Variants in SLC4A10 observed in about 807,000 individuals in gnomAD.
SLC4A10 encodes sodium-driven chloride bicarbonate exchanger.
Under a neutral mutation model 137.7 loss-of-function variants are expected in SLC4A10, and 42 were observed. That is an observed-to-expected ratio of 0.30 (90% CI 0.24 to 0.39). The LOEUF is 0.39. Among genes scored for constraint, SLC4A10 ranks in the 10% least tolerant of loss-of-function variants. SLC4A10 has a pLI of 1.00. For synonymous variants in SLC4A10, 474 were observed against 464.1 expected, an observed-to-expected ratio of 1.02 and a Z score of -0.27; for missense variants, 925 against 1,355.0, an observed-to-expected ratio of 0.68 and a Z score of 4.98.
At chr2:161,808,828 A>C (rs1040702702) in intron 3 of SLC4A10, among the ~76,000 whole-genome samples, 1 of 152,030 alleles carries the variant, frequency 6.6e-6, no homozygotes, top group African/African-American at 2.4e-5. Flanking sequence ...AAGGAAACCT[A>C]GTTGATTCCA....
intron 6 of SLC4A10, among the ~76,000 whole-genome samples, chr2:161,867,042 A>G (rs2060802750): frequency 1.3e-5 from 2 of 152,046 alleles, no homozygotes; most frequent in South Asian, 4.1e-4. Context: ...AAAAGGAGTT[A>G]CAGTGCAGAA....
chr2:161,658,798 C>A (rs1352244165), intron 1 of SLC4A10, among the ~76,000 whole-genome samples: 1 of 151,954 alleles, frequency 6.6e-6, no homozygotes, highest in East Asian at 1.9e-4. Flanking sequence ...ACCTTTTTGG[C>A]CAGGCTGGTC....
chr2:161,856,715 A>G (rs2060127525), intron 5 of SLC4A10, among the ~76,000 whole-genome samples: 1 of 152,142 alleles, frequency 6.6e-6, no homozygotes, highest in African/African-American at 2.4e-5. Context: ...TAGGAATGAA[A>G]CAGCAGGCTT....
At chr2:161,927,788 C>A (rs996732624) in intron 15 of SLC4A10, among the ~76,000 whole-genome samples, 1 of 152,160 alleles carries the variant, frequency 6.6e-6, no homozygotes, top group Non-Finnish European at 1.5e-5. Flanking sequence ...CCATCACTGG[C>A]CATCAGAGAA....
chr2:161,817,912 G>A (rs1247460998), intron 3 of SLC4A10, among the ~76,000 whole-genome samples: 20 of 151,658 alleles, frequency 1.3e-4, no homozygotes, highest in African/African-American at 3.9e-4. Flanking sequence ...GTCAGGTAGC[G>A]TGATGCCTCC....
At chr2:161,721,628 C>A (rs1559107490) in intron 1 of SLC4A10, among the ~76,000 whole-genome samples, 2 of 152,106 alleles carry the variant, frequency 1.3e-5, no homozygotes, top group Non-Finnish European at 2.9e-5. Flanking sequence ...TTTTTTCCTT[C>A]ATTTCTACCT....
rs369526504 is a variant in SLC4A10 at position 161,882,348 on chromosome 2, T to G, written c.1107-9T>G. 1 of 1,526,886 alleles carries G rather than the reference T, an allele frequency of 6.5e-7. No homozygotes were observed. Among genetic ancestry groups the G allele is most frequent in the African/African-American group, 1.4e-5 (1 of 72,130 alleles). The allele number at this position is 1,526,886 out of a possible 1,614,324, so 94.6% of individuals were successfully genotyped here. A position where few individuals can be genotyped will look rare whatever the true frequency, so the allele number is the denominator to read the frequency against. On this transcript the variant is annotated splice_polypyrimidine_tract_variant and intron_variant, in intron 9 of 26. Transcript: ENST00000446997. ...TACCTTAAAACATTTTTTTTCTTCT[T>G]AATTACAGATTTTTGTTCATTCTTC...
chr2:161,714,622 C>T (rs969779787), intron 1 of SLC4A10, among the ~76,000 whole-genome samples: 2 of 151,848 alleles, frequency 1.3e-5, no homozygotes, highest in Non-Finnish European at 2.9e-5. Context: ...AATTTAATCT[C>T]ATAAGAATTT....
intron 4 of SLC4A10, among the ~76,000 whole-genome samples, chr2:161,848,777 A>T (rs991353092): frequency 6.6e-6 from 1 of 152,150 alleles, no homozygotes; most frequent in African/African-American, 2.4e-5. Context: ...TGTTTTGGTT[A>T]CTGTAGCCTT....
intron 12 of SLC4A10, 113 bp from the exon 13 acceptor site, chr2:161,903,891 A>G: frequency 9.6e-7 from 1 of 1,046,238 alleles, no homozygotes; most frequent in Non-Finnish European, 1.4e-6. Flanking sequence ...TGTGTGTCTC[A>G]CCTCTGCTGA....
Position 161,982,151 on chromosome 2 carries a change from C to T in SLC4A10, c.*27-1028C>T, listed in dbSNP as rs767574612. 5.3e-5 allele frequency among the ~76,000 whole-genome samples: 8 copies of T among 152,010 alleles called. No homozygotes were observed. The South Asian group carries it at 1.0e-3, about 20-fold the overall frequency. ...TGTTTCATAAATTTATATTAAGGGC[C>T]GAAGTTAACAGTAAAAATGTATGGA... On this transcript the variant is annotated intron_variant, in intron 26 of 26. Coordinates refer to ENST00000446997, the MANE Select transcript of SLC4A10 (RefSeq NM_001178015.2).
intron 1 of SLC4A10, among the ~76,000 whole-genome samples, chr2:161,687,879 G>A (rs1283372954): frequency 6.6e-6 from 1 of 152,034 alleles, no homozygotes; most frequent in Non-Finnish European, 1.5e-5. Context: ...GGTTTCTTGA[G>A]GCCTCCCCAG....
At chr2:161,854,726 A>G (rs995310470) in intron 4 of SLC4A10, among the ~76,000 whole-genome samples, 3 of 152,218 alleles carry the variant, frequency 2.0e-5, no homozygotes, top group Non-Finnish European at 2.9e-5. Flanking sequence ...AGAGTTAGAC[A>G]AGTTAACAAA....
At chr2:161,666,665 A>T (rs2039079924) in intron 1 of SLC4A10, among the ~76,000 whole-genome samples, 3 of 151,760 alleles carry the variant, frequency 2.0e-5, no homozygotes, top group Admixed American at 2.0e-4. Flanking sequence ...TTCTCAGATA[A>T]CAAATAATAA....
intron 15 of SLC4A10, among the ~76,000 whole-genome samples, chr2:161,911,530 ATC>A (rs1435667337): frequency 5.3e-5 from 8 of 152,088 alleles, no homozygotes. Flanking sequence ...TTAGAGAACT[ATC>A]TGTTTCAACC....
chr2:161,968,880 G>A (rs192718211), intron 23 of SLC4A10, among the ~76,000 whole-genome samples: 114 of 152,286 alleles, frequency 7.5e-4, no homozygotes, highest in Non-Finnish European at 1.3e-3. Flanking sequence ...TGTTTGCCCG[G>A]ATCTTGGTAT....
intron 4 of SLC4A10, among the ~76,000 whole-genome samples, chr2:161,846,283 A>G (rs946421922): frequency 1.3e-5 from 2 of 152,184 alleles, no homozygotes; most frequent in Non-Finnish European, 2.9e-5. Flanking sequence ...ATTACTGCAT[A>G]CCTAATAGAA....
chr2:161,791,685 G>A (rs547412642), intron 2 of SLC4A10, among the ~76,000 whole-genome samples: 1 of 152,254 alleles, frequency 6.6e-6, no homozygotes, highest in Non-Finnish European at 1.5e-5. Flanking sequence ...ACTCTCAGAT[G>A]TTCCATGTTT....
At chr2:161,689,209 T>C (rs1264002074) in intron 1 of SLC4A10, among the ~76,000 whole-genome samples, 1 of 152,154 alleles carries the variant, frequency 6.6e-6, no homozygotes, top group Non-Finnish European at 1.5e-5. Context: ...TATTGTAGCC[T>C]AAGTGTATCG....
Sources: allele counts gnomAD v4.1 joint callset (sites outside exome capture counted in the v4.1 genomes callset), GRCh38; gene constraint gnomAD v4.1.1; transcripts MANE v1.5; gene names NCBI Gene and HGNC (gene_info 2026-07-23, HGNC 2026-07-21).